The following TMPO variants were observed in gnomAD, a reference collection of about 807,000 sequenced individuals.
TMPO encodes the protein thymopoietin, also known as LEM domain containing 4.
TMPO carries 22 observed loss-of-function variants against 45.4 expected under a neutral mutation model. The ratio of observed to expected loss-of-function variants is 0.48; its 90% CI spans 0.35 to 0.69. TMPO has a LOEUF of 0.69. TMPO is among the 30% of genes least tolerant of loss of function. TMPO has a pLI of 0.01. For missense variants in TMPO, 512 were observed against 548.8 expected, an observed-to-expected ratio of 0.93 and a Z score of 0.67; for synonymous variants, 241 against 204.1, an observed-to-expected ratio of 1.18 and a Z score of -1.54.
rs1289038454 is a variant in TMPO, at chr12:98,531,381, C to T, written c.407-299C>T. Among the ~76,000 whole-genome samples the T allele has an allele frequency of 5.9e-5, 9 of 151,828 alleles. No homozygotes were observed. The East Asian group carries it at 1.2e-3, about 20-fold the overall frequency. ...CCTCCCAAGTAGCTGGGATCACAGG[C>T]GTGTGCCACCATGCCCGGCTAATTT... is the stretch of plus-strand genomic sequence containing the variant. On this transcript the variant is annotated intron_variant, in intron 2 of 8. Transcript: ENST00000556029.
At chr12:98,536,962 T>C (rs920113385) in intron 3 of TMPO, among the ~76,000 whole-genome samples, 5 of 152,228 alleles carry the variant, frequency 3.3e-5, no homozygotes, top group African/African-American at 1.2e-4. Context: ...TTGTACTTAT[T>C]AATGTTATGG....
intron 3 of TMPO, among the ~76,000 whole-genome samples, chr12:98,536,643 G>A (rs1877589509): frequency 6.6e-6 from 1 of 152,182 alleles, no homozygotes; most frequent in Non-Finnish European, 1.5e-5. Context: ...GAGCCACCAT[G>A]CCCTGCCAGG....
At chr12:98,520,376 C>T (rs893581845) in intron 1 of TMPO, among the ~76,000 whole-genome samples, 9 of 151,646 alleles carry the variant, frequency 5.9e-5, no homozygotes, top group African/African-American at 1.9e-4. Flanking sequence ...GATCTCGGCT[C>T]ACTGCAACCT....
At chr12:98,544,173 G>A (rs199826481) in intron 4 of TMPO, 57 bp from the exon 5 acceptor site, 52 of 1,598,190 alleles carry the variant, frequency 3.3e-5, no homozygotes, top group Middle Eastern at 4.0e-4. Context: ...CAGTATGGCC[G>A]TTATTAAAGT....
In TMPO at chr12:98,544,293, C is replaced by G; in HGVS notation, c.727C>G (p.Leu243Val). The change falls in exon 5 of 9, where the codon CTG becomes GTG. Residue 243 changes from leucine (L) to valine (V), a missense_variant. Around this residue, in one of 3 missense-constraint regions of TMPO, gnomAD observed 299 missense variants for 296.7 expected, o/e 1.01. Coordinates refer to ENST00000556029, the MANE Select transcript of TMPO (RefSeq NM_001032283.3). ...AAGTGGATCTTCAAAAGGCGGACCT[C>G]TGCAGGCATTAACTAGGGAATCTAC... is the stretch of plus-strand genomic sequence containing the variant. ...WTSGSSKGGP[L>V]QALTRESTRG... The G allele has an allele frequency of 6.2e-7, 1 of 1,614,002 alleles. No individual in the cohort carries two copies.
At chr12:98,525,225 T>C (rs747523666) in intron 1 of TMPO, among the ~76,000 whole-genome samples, 8 of 152,210 alleles carry the variant, frequency 5.3e-5, no homozygotes, top group Non-Finnish European at 4.4e-5. Context: ...CTTCCAGATA[T>C]GAGCCTGACA....
intron 1 of TMPO, among the ~76,000 whole-genome samples, chr12:98,520,734 G>A (rs536727931): frequency 5.0e-4 from 76 of 151,206 alleles, no homozygotes; most frequent in Non-Finnish European, 9.7e-4. Context: ...ACAGGTGCCC[G>A]CCACCACGCC....
chr12:98,522,982 C>T (rs1055491172), intron 1 of TMPO, among the ~76,000 whole-genome samples: 4 of 152,132 alleles, frequency 2.6e-5, no homozygotes, highest in African/African-American at 7.2e-5. Context: ...AGAAGCTCAT[C>T]GGTGATATCA....
chr12:98,529,284 C>T (rs1877016098), intron 2 of TMPO, among the ~76,000 whole-genome samples: 1 of 151,870 alleles, frequency 6.6e-6, no homozygotes. Context: ...AAACTCCCGA[C>T]CTCAGGTGAT....
At position 98,547,824 on chromosome 12, in the gene TMPO, A is replaced by G; in HGVS notation, c.1331A>G (p.Asn444Ser). Residue 444 changes from asparagine to serine, a missense_variant, in exon 9 of 9, where the codon AAT becomes AGT. Asn to Ser is a conservative substitution (Grantham distance 46, BLOSUM62 1). Around this residue, in one of 3 missense-constraint regions of TMPO, gnomAD observed 209 missense variants for 235.1 expected, o/e 0.89. Coordinates refer to ENST00000556029, the MANE Select transcript of TMPO (RefSeq NM_001032283.3). ...METNQVNPFS[N>S]FLHVDPRKSN is the part of the protein sequence containing the mutation. ...ACCAACCAAGTAAATCCCTTCTCTA[A>G]TTTTCTTCATGTTGACCCTAGAAAA... The G allele has an allele frequency of 6.2e-7, 1 of 1,613,868 alleles. No individual in the cohort carries two copies. The highest frequency in any genetic ancestry group is 8.5e-7 in the Non-Finnish European group (1 of 1,179,992).
At position 98,519,839 on chromosome 12, in the gene TMPO, TTA is replaced by T. The variant is rs1267843171; in HGVS notation, c.279+3695_279+3696del. Among the ~76,000 whole-genome samples, 13 of 152,308 alleles carry T rather than the reference TTA, an allele frequency of 8.5e-5. No homozygotes were observed. The South Asian group carries it at 2.5e-3, about 29-fold the overall frequency. On this transcript the variant is annotated intron_variant, in intron 1 of 8. Coordinates refer to ENST00000556029, the MANE Select transcript of TMPO (RefSeq NM_001032283.3). Reference sequence around the variant, plus strand: ...TACAGGAAAAGAAATTTATAATAATTTATGTGTAAAATTATTCATGTCAATTC... The same window carrying T: ...TACAGGAAAAGAAATTTATAATAATTTGTGTAAAATTATTCATGTCAATTC...
At chr12:98,545,090 A>G (rs367985409) in intron 7 of TMPO, 29 bp downstream of exon 7, 3 of 1,416,980 alleles carry the variant, frequency 2.1e-6, no homozygotes, top group South Asian at 1.2e-5. Flanking sequence ...GATCGATGCT[A>G]TCATTGATCT....
intron 1 of TMPO, among the ~76,000 whole-genome samples, chr12:98,522,966 A>C (rs1876481682): frequency 6.6e-6 from 1 of 152,190 alleles, no homozygotes; most frequent in Admixed American, 6.6e-5. Context: ...AGATTAAAGG[A>C]ATTAGAGAAG....
At chr12:98,525,738 CAAAA>C (rs34394677) in intron 1 of TMPO, among the ~76,000 whole-genome samples, 1 of 95,698 alleles carries the variant, frequency 1.0e-5, no homozygotes, top group Non-Finnish European at 2.2e-5. Context: ...GGCACAGTCT[CAAAA>C]AAAAAAAAAA....
chr12:98,523,330 G>T (rs1876516795), intron 1 of TMPO, among the ~76,000 whole-genome samples: 1 of 152,122 alleles, frequency 6.6e-6, no homozygotes. Context: ...GAGGCAGGTG[G>T]ATCACCTGAG....
chr12:98,521,074 T>G (rs1185590033), intron 1 of TMPO, among the ~76,000 whole-genome samples: 1 of 150,388 alleles, frequency 6.6e-6, no homozygotes, highest in East Asian at 1.9e-4. Context: ...GCATATACCT[T>G]CTATTTAATC....
chr12:98,521,099 A>AT (rs1565804759), intron 1 of TMPO, among the ~76,000 whole-genome samples: 8 of 93,058 alleles, frequency 8.6e-5, no homozygotes, highest in African/African-American at 2.8e-4. Context: ...GTTTATGAGG[A>AT]ATTTTTTTTT....
Position 98,516,028 on chromosome 12 carries a change from C to G in TMPO, c.161C>G (p.Pro54Arg), listed in dbSNP as rs1277873535. 27 of 1,611,580 alleles carry G rather than the reference C, an allele frequency of 1.7e-5. No homozygotes were observed. Among genetic ancestry groups the G allele is most frequent in the Non-Finnish European group, 2.3e-5 (27 of 1,179,558 alleles). ...HLTARNRPPL[P>R]AGTNSKGPPD... ...ACGGCTCGCAACCGGCCGCCGCTCC[C>G]CGCCGGCACCAACAGCAAGGGGCCC... Residue 54 changes from proline (P) to arginine (R), a missense_variant, in exon 1 of 9, where the codon CCC becomes CGC. This residue lies in a region of TMPO where 299 missense variants were observed against 296.7 expected (regional missense o/e 1.01). Transcript: ENST00000556029.
At chr12:98,525,323 C>T (rs1018239184) in intron 1 of TMPO, among the ~76,000 whole-genome samples, 3 of 152,134 alleles carry the variant, frequency 2.0e-5, no homozygotes, top group East Asian at 1.9e-4. Flanking sequence ...TAAGATTTCT[C>T]GTAAGTTGAC....
Sources: gnomAD v4.1 joint callset for allele counts (sites outside exome capture counted in the v4.1 genomes callset) on GRCh38, gnomAD v4.1.1 for gene constraint, gnomAD v4.1.1 regional missense constraint, MANE v1.5 for transcripts, NCBI Gene and HGNC (gene_info 2026-07-23, HGNC 2026-07-21) for gene names.